Variants in KMT2A observed in about 807,000 individuals in gnomAD.
The protein encoded by KMT2A is histone-lysine N-methyltransferase 2A.
Under a neutral mutation model 345.3 loss-of-function variants are expected in KMT2A, and 16 were observed. The observed-to-expected ratio is 0.05, with a 90% CI of 0.03 to 0.07. The LOEUF is 0.07. KMT2A is among the 10% of genes least tolerant of loss of function. The pLI is 1.00. For missense variants in KMT2A, 3,272 were observed against 4,841.6 expected (o/e 0.68, Z 9.62); for synonymous variants, 1,599 against 1,778.6 (o/e 0.90, Z 2.54).
rs57102960 is a variant in KMT2A at position 118,498,550 on chromosome 11, T to TAAA, written c.5961+35_5961+37dup. On this transcript the variant is annotated intron_variant, in intron 22 of 35. Transcript: ENST00000534358. This position sits in a 1 kb window ranked among gnomAD's most constrained non-coding sequence, Gnocchi z 4.4. ...CGAAGTGAGAGAGCTTTAGTTGCTT[T>TAAA]AAAAAAAAAAAAAAAGACTTTTTTA... is the stretch of plus-strand genomic sequence containing the variant. 2.2e-5 allele frequency: 32 copies of TAAA among 1,442,044 alleles called. No individual in the cohort carries two copies. The highest frequency in any genetic ancestry group is 1.9e-4 in the African/African-American group (13 of 67,282). 89.3% of individuals were successfully genotyped at this position (1,442,044 alleles called of 1,614,324 possible). A position where few individuals can be genotyped will look rare whatever the true frequency, so the allele number is the denominator to read the frequency against.
chr11:118,445,895 T>G (rs984442792), intron 1 of KMT2A, among the ~76,000 whole-genome samples: 10 of 151,578 alleles, frequency 6.6e-5, no homozygotes, highest in African/African-American at 2.4e-4. Context: ...CCCCAGCTAC[T>G]CGGGAGGCTG....
Position 118,498,199 on chromosome 11 carries a change from T to C in KMT2A, c.5802+126T>C, listed in dbSNP as rs1439847621. 8.6e-7 allele frequency: 1 copy of C among 1,165,958 alleles called. No individual in the cohort carries two copies. Among genetic ancestry groups the C allele is most frequent in the Non-Finnish European group, 1.2e-6 (1 of 812,762 alleles). 72.2% of individuals were successfully genotyped at this position (1,165,958 alleles called of 1,614,324 possible). ...CATCAGGGTAGTTAGCCAACAAGTATTGATATACATAATTCAACAGATAAA... is the reference window on the plus strand; with the variant it reads ...CATCAGGGTAGTTAGCCAACAAGTACTGATATACATAATTCAACAGATAAA... On this transcript the variant is annotated intron_variant, in intron 21 of 35. Coordinates refer to ENST00000534358, the MANE Select transcript of KMT2A (RefSeq NM_001197104.2). This position sits in a 1 kb window ranked among gnomAD's most constrained non-coding sequence, Gnocchi z 4.4.
rs782043967 is a variant in KMT2A, at chr11:118,500,055, G to A, written c.6158+142G>A. The A allele has an allele frequency of 2.3e-4, 137 of 585,930 alleles. 1 individual carries two copies. The highest frequency in any genetic ancestry group is 1.1e-3 in the Admixed American group (34 of 32,270). 36.3% of individuals were successfully genotyped at this position (585,930 alleles called of 1,614,324 possible). A position where few individuals can be genotyped will look rare whatever the true frequency, so the allele number is the denominator to read the frequency against. On this transcript the variant is annotated intron_variant, in intron 24 of 35. Transcript: ENST00000534358. ...TTAATCACTTATTTTGCTAGTTCTC[G>A]GATTCGTCTGCTTGTAGATTGGGAC...
Position 118,436,994 on chromosome 11 carries a change from CCCCCT to C in KMT2A, c.432+60_432+64del, listed in dbSNP as rs782727205. ...TCCGGGGTCTCGACCCTCTGCGGAGCCCCCTCCCCTCCCCCATCCGGGATTGAGGA... is the reference window on the plus strand; with the variant it reads ...TCCGGGGTCTCGACCCTCTGCGGAGCCCCCTCCCCCATCCGGGATTGAGGA... On this transcript the variant is annotated intron_variant, in intron 1 of 35. Transcript: ENST00000534358. This position sits in a 1 kb window ranked among gnomAD's most constrained non-coding sequence, Gnocchi z 6.9. The C allele has an allele frequency of 3.9e-5, 54 of 1,371,994 alleles. No individual in the cohort carries two copies. The highest frequency in any genetic ancestry group is 8.6e-6 in the Non-Finnish European group (9 of 1,052,220). 85.0% of individuals were successfully genotyped at this position (1,371,994 alleles called of 1,614,324 possible). A position where few individuals can be genotyped will look rare whatever the true frequency, so the allele number is the denominator to read the frequency against.
At chr11:118,445,035 T>C (rs1555026771) in intron 1 of KMT2A, among the ~76,000 whole-genome samples, 1 of 152,208 alleles carries the variant, frequency 6.6e-6, no homozygotes, top group African/African-American at 2.4e-5. Context: ...AACCAAGAGA[T>C]TGAAAGGAGA....
chr11:118,500,163 A>G (rs1555045240), intron 24 of KMT2A, among the ~76,000 whole-genome samples: 1 of 152,206 alleles, frequency 6.6e-6, no homozygotes, highest in African/African-American at 2.4e-5. Flanking sequence ...TTAGTAGAAA[A>G]CACAAGGTCA....
chr11:118,511,202 G>C (rs1461384346), intron 30 of KMT2A, among the ~76,000 whole-genome samples: 2 of 152,332 alleles, frequency 1.3e-5, no homozygotes, highest in African/African-American at 2.4e-5. Flanking sequence ...GTTTACTAAT[G>C]AGAGTATTGC....
At chr11:118,466,631 C>A (rs1168828036) in intron 1 of KMT2A, among the ~76,000 whole-genome samples, 1 of 151,944 alleles carries the variant, frequency 6.6e-6, no homozygotes, top group Non-Finnish European at 1.5e-5. Context: ...GCCTGGCCAA[C>A]ATTGCAAAAG....
chr11:118,451,641 G>A (rs185640309), intron 1 of KMT2A, among the ~76,000 whole-genome samples: 2 of 150,652 alleles, frequency 1.3e-5, no homozygotes, highest in African/African-American at 2.4e-5. Flanking sequence ...CACCCACCTC[G>A]GCCTCCCAAA....
Position 118,502,090 on chromosome 11 carries a change from T to C in KMT2A, c.6505+233T>C, listed in dbSNP as rs1267517786. Among the ~76,000 whole-genome samples the C allele has an allele frequency of 1.3e-5, 2 of 152,002 alleles. No homozygotes were observed. The highest frequency in any genetic ancestry group is 4.8e-5 in the African/African-American group (2 of 41,398). ...CAACATGGTGAAACCCTATCTCTAC[T>C]AAAAATTCAAAAATTAGCCAGGTGT... On this transcript the variant is annotated intron_variant, in intron 26 of 35. Coordinates refer to ENST00000534358, the MANE Select transcript of KMT2A (RefSeq NM_001197104.2). This position sits in a 1 kb window ranked among gnomAD's most constrained non-coding sequence, Gnocchi z 4.9.
chr11:118,478,614 C>T lies in KMT2A; in HGVS notation c.3569+413C>T, dbSNP rs191853604. ...AGCTCTGGAGGATTTCTACTTAAAA[C>T]CTGACAACTTTATGTATAATTTTTG... On this transcript the variant is annotated intron_variant, in intron 5 of 35. Coordinates refer to ENST00000534358, the MANE Select transcript of KMT2A (RefSeq NM_001197104.2). Among the ~76,000 whole-genome samples, 914 of 152,260 alleles carry T rather than the reference C, an allele frequency of 6.0e-3. 10 individuals carry two copies. The highest frequency in any genetic ancestry group is 5.8e-3 in the Non-Finnish European group (397 of 68,014).
In KMT2A at chr11:118,525,765, A is replaced by AT. The variant is rs1380502519; in HGVS notation, c.*3605dup. The AT allele has an allele frequency of 8.0e-3, 1,624 of 202,766 alleles. 3 individuals are homozygous for AT. The highest frequency in any genetic ancestry group is 0.01 in the African/African-American group (441 of 42,874). 12.6% of individuals were successfully genotyped at this position (202,766 alleles called of 1,614,324 possible). On this transcript the variant is annotated 3_prime_UTR_variant, in exon 36 of 36. Coordinates refer to ENST00000534358, the MANE Select transcript of KMT2A (RefSeq NM_001197104.2). The stretch of plus-strand genomic sequence containing the variant: ...TGTTAACTTCTAAGTTCGGTTTGGG[A>AT]TTTTTTTTTTTTAATAGAAATCAAG...
rs1212896788 is a variant in KMT2A at position 118,524,089 on chromosome 11, C to T, written c.*1917C>T. 3 of 188,794 alleles carry T rather than the reference C, an allele frequency of 1.6e-5. No homozygotes were observed. Among genetic ancestry groups the T allele is most frequent in the Admixed American group, 6.2e-5 (1 of 16,176 alleles). 11.7% of individuals were successfully genotyped at this position (188,794 alleles called of 1,614,324 possible). The stretch of plus-strand genomic sequence containing the variant: ...GAATGGCAACTTGACATTTTTGCAT[C>T]ACCATCTGCCTCATAGGCCACTCTT... On this transcript the variant is annotated 3_prime_UTR_variant, in exon 36 of 36. Transcript: ENST00000534358.
rs373345566 is a variant in KMT2A, at chr11:118,506,180, T to C, written c.10288T>C (p.Cys3430Arg). 1 of 1,614,184 alleles carries C rather than the reference T, an allele frequency of 6.2e-7. No individual in the cohort carries two copies. The highest frequency in any genetic ancestry group is 1.1e-5 in the South Asian group (1 of 91,086). Reference sequence around the variant, plus strand: ...TGCAATAACAGCGGCATCTAGCATCTGTGTGCTCCCCTCCACTCAGACTAC... The same window carrying C: ...TGCAATAACAGCGGCATCTAGCATCCGTGTGCTCCCCTCCACTCAGACTAC... Reference protein sequence around the residue: ...TAAITAASSICVLPSTQTTGI... With the variant: ...TAAITAASSIRVLPSTQTTGI... The change falls in exon 27 of 36, where the codon TGT becomes CGT. Residue 3430 changes from cysteine (C) to arginine (R), a missense_variant. Physicochemically the swap from Cys to Arg is radical, Grantham distance 180. This residue lies in a region of KMT2A where 748 missense variants were observed against 922.2 expected (regional missense o/e 0.81). Transcript: ENST00000534358.
intron 10 of KMT2A, among the ~76,000 whole-genome samples, chr11:118,485,597 GA>G (rs1394061884): frequency 6.6e-6 from 1 of 152,102 alleles, no homozygotes; most frequent in Non-Finnish European, 1.5e-5. Context: ...GAATTATTTG[GA>G]AATATATATC....
chr11:118,498,150 CCT>C lies in KMT2A; in HGVS notation c.5802+79_5802+80del, dbSNP rs1392643795. 2 of 1,479,116 alleles carry C rather than the reference CCT, an allele frequency of 1.4e-6. No individual in the cohort carries two copies. Among genetic ancestry groups the C allele is most frequent in the Non-Finnish European group, 1.9e-6 (2 of 1,068,590 alleles). 91.6% of individuals were successfully genotyped at this position (1,479,116 alleles called of 1,614,324 possible). A position where few individuals can be genotyped will look rare whatever the true frequency, so the allele number is the denominator to read the frequency against. On this transcript the variant is annotated intron_variant, in intron 21 of 35. Coordinates refer to ENST00000534358, the MANE Select transcript of KMT2A (RefSeq NM_001197104.2). This position sits in a 1 kb window ranked among gnomAD's most constrained non-coding sequence, Gnocchi z 4.4. ...ATATTCTTCCTGTGGGTGAATATGG[CCT>C]CCCTGATATTTTTCACAGTGCCATC...
chr11:118,488,010 C>G (rs1950259007), intron 10 of KMT2A, among the ~76,000 whole-genome samples: 1 of 152,168 alleles, frequency 6.6e-6, no homozygotes. Context: ...GAAACCCCAT[C>G]TCTACTAAAA....
rs1338565930 is a variant in KMT2A, at chr11:118,524,987, A to C, written c.*2815A>C. ...CCTTTCCACCCCCTAATTGTCAACC[A>C]CAAAAATGAGAAATTCCTCTTCTAG... On this transcript the variant is annotated 3_prime_UTR_variant, in exon 36 of 36. Coordinates refer to ENST00000534358, the MANE Select transcript of KMT2A (RefSeq NM_001197104.2). The C allele has an allele frequency of 1.4e-5, 3 of 211,770 alleles. No individual in the cohort carries two copies. Among genetic ancestry groups the C allele is most frequent in the Non-Finnish European group, 2.9e-5 (3 of 104,322 alleles). 13.1% of individuals were successfully genotyped at this position (211,770 alleles called of 1,614,324 possible). A position where few individuals can be genotyped will look rare whatever the true frequency, so the allele number is the denominator to read the frequency against.
At chr11:118,453,538 C>T (rs1949583069) in intron 1 of KMT2A, among the ~76,000 whole-genome samples, 1 of 152,154 alleles carries the variant, frequency 6.6e-6, no homozygotes, top group African/African-American at 2.4e-5. Context: ...TCACTGCCTT[C>T]TCTGTCTACA....
Sources: gnomAD v4.1 joint callset for allele counts (sites outside exome capture counted in the v4.1 genomes callset) on GRCh38, gnomAD v4.1.1 for gene constraint, gnomAD v4.1.1 regional missense constraint, Gnocchi (gnomAD v3.1) non-coding constraint, MANE v1.5 for transcripts, NCBI Gene and HGNC (gene_info 2026-07-23, HGNC 2026-07-21) for gene names.